KLHL1: variants seen among roughly 807,000 people sequenced by gnomAD.
KLHL1 encodes kelch like family member 1.
In KLHL1, 47 loss-of-function variants were observed where a neutral mutation model predicts 77.7. That is an observed-to-expected ratio of 0.60 (90% CI 0.48 to 0.77). The LOEUF (loss-of-function observed/expected upper bound fraction) is 0.77, where lower values mean the gene tolerates loss of function less well. KLHL1 is among the 30% of genes least tolerant of loss of function. KLHL1 has a pLI of 0.00. For missense variants in KLHL1, 925 were observed against 910.8 expected (o/e 1.02, Z -0.20); for synonymous variants, 360 against 325.2 (o/e 1.11, Z -1.15).
chr13:69,781,441 A>T (rs562766083), intron 7 of KLHL1, among the ~76,000 whole-genome samples: 1 of 152,186 alleles, frequency 6.6e-6, no homozygotes, highest in Admixed American at 6.5e-5. Context: ...AAGTAAGTTG[A>T]AAACCTTTGC....
intron 5 of KLHL1, among the ~76,000 whole-genome samples, chr13:69,845,090 A>T (rs997926845): frequency 6.6e-6 from 1 of 151,678 alleles, no homozygotes; most frequent in Non-Finnish European, 1.5e-5. Context: ...AGCTATTATG[A>T]TATAAACTGT....
chr13:69,712,223 C>G (rs1875908672), intron 9 of KLHL1, among the ~76,000 whole-genome samples: 1 of 150,952 alleles, frequency 6.6e-6, no homozygotes, highest in African/African-American at 2.4e-5. Flanking sequence ...TATAGATGAT[C>G]CTATGTAGGT....
chr13:69,868,637 T>G (rs1243546277), intron 5 of KLHL1, among the ~76,000 whole-genome samples: 1 of 152,170 alleles, frequency 6.6e-6, no homozygotes, highest in Non-Finnish European at 1.5e-5. Context: ...ATATCTGCGT[T>G]GTTATTTATT....
intron 3 of KLHL1, among the ~76,000 whole-genome samples, chr13:69,945,269 G>A (rs75808613): frequency 0.13 from 19,458 of 151,312 alleles, 1,941 homozygotes; most frequent in East Asian, 0.29. Context: ...CACTGCACCC[G>A]GCAGCTATAA....
chr13:69,817,697 TTACC>T (rs1878174742), intron 6 of KLHL1, among the ~76,000 whole-genome samples: 2 of 152,178 alleles, frequency 1.3e-5, no homozygotes. Context: ...CTCAGACTTA[TTACC>T]CCATGGATCT....
chr13:69,762,995 A>G (rs1593806503), intron 7 of KLHL1, among the ~76,000 whole-genome samples: 1 of 152,218 alleles, frequency 6.6e-6, no homozygotes, highest in East Asian at 1.9e-4. Flanking sequence ...CTACATCATA[A>G]GTTTAAGAGA....
chr13:69,708,244 GA>G (rs1161444196), intron 9 of KLHL1, among the ~76,000 whole-genome samples: 4 of 151,648 alleles, frequency 2.6e-5, no homozygotes, highest in South Asian at 2.1e-4. Flanking sequence ...AATTTGCTAG[GA>G]AAAAAAAGGA....
intron 1 of KLHL1, among the ~76,000 whole-genome samples, chr13:69,985,354 C>A (rs1379435916): frequency 1.3e-5 from 2 of 151,894 alleles, no homozygotes; most frequent in Non-Finnish European, 2.9e-5. Context: ...AGAAGACATA[C>A]AAATGGCCAA....
At chr13:70,034,227 C>T (rs143742227) in intron 1 of KLHL1, among the ~76,000 whole-genome samples, 1 of 152,268 alleles carries the variant, frequency 6.6e-6, no homozygotes, top group Non-Finnish European at 1.5e-5. Context: ...ATTGCTATCT[C>T]ATTGAACTTC....
intron 1 of KLHL1, among the ~76,000 whole-genome samples, chr13:70,104,432 A>G (rs920469565): frequency 1.3e-5 from 2 of 152,136 alleles, no homozygotes; most frequent in African/African-American, 4.8e-5. Context: ...GAATTCTGAG[A>G]TTGTGAGCAA....
At chr13:69,807,376 A>C (rs1268001941) in intron 6 of KLHL1, among the ~76,000 whole-genome samples, 1 of 151,980 alleles carries the variant, frequency 6.6e-6, no homozygotes, top group Non-Finnish European at 1.5e-5. Context: ...ACAGGGAAAT[A>C]AGGCCATCCT....
intron 6 of KLHL1, among the ~76,000 whole-genome samples, chr13:69,807,696 G>T (rs1044117556): frequency 6.6e-5 from 10 of 152,198 alleles, no homozygotes; most frequent in African/African-American, 2.4e-4. Context: ...GCTCTGGAAT[G>T]GGGAGAAGGA....
At chr13:69,889,795 T>C (rs1881360549) in intron 4 of KLHL1, among the ~76,000 whole-genome samples, 1 of 152,044 alleles carries the variant, frequency 6.6e-6, no homozygotes, top group Non-Finnish European at 1.5e-5. Context: ...CTTATCAGAA[T>C]TAGGTATGAA....
chr13:69,837,699 T>G (rs1445860807), intron 6 of KLHL1, among the ~76,000 whole-genome samples: 1 of 147,508 alleles, frequency 6.8e-6, no homozygotes, highest in Admixed American at 6.9e-5. Context: ...CACATATATA[T>G]ATAGATCTCA....
At chr13:70,039,969 G>A (rs1886336833) in intron 1 of KLHL1, among the ~76,000 whole-genome samples, 1 of 151,966 alleles carries the variant, frequency 6.6e-6, no homozygotes, top group Non-Finnish European at 1.5e-5. Flanking sequence ...GTTTTCCAGT[G>A]TAAATCTTTC....
At chr13:69,745,367 T>C (rs1052062262) in intron 7 of KLHL1, among the ~76,000 whole-genome samples, 8 of 152,012 alleles carry the variant, frequency 5.3e-5, no homozygotes, top group African/African-American at 1.4e-4. Context: ...TAAATATGGA[T>C]ATAAATTGTC....
At chr13:69,968,070 T>C (rs2482561) in intron 2 of KLHL1, among the ~76,000 whole-genome samples, 151,123 of 151,902 alleles carry the variant, frequency 0.99, 75,179 homozygotes, top group East Asian at 1. Flanking sequence ...ATTGTTGCAA[T>C]GTATTTCACT....
chr13:69,747,831 T>A (rs938020377), intron 7 of KLHL1, among the ~76,000 whole-genome samples: 1 of 151,980 alleles, frequency 6.6e-6, no homozygotes, highest in East Asian at 1.9e-4. Flanking sequence ...TAAATTTAAC[T>A]ATTCTTAGTG....
At chr13:69,779,571 A>ATATTTC (rs1461107110) in intron 7 of KLHL1, among the ~76,000 whole-genome samples, 1 of 150,628 alleles carries the variant, frequency 6.6e-6, no homozygotes, top group African/African-American at 2.4e-5. Context: ...AATGGTGTCT[A>ATATTTC]TATTTCTAAC....
Sources: allele counts gnomAD v4.1 joint callset (sites outside exome capture counted in the v4.1 genomes callset), GRCh38; gene constraint gnomAD v4.1.1; transcripts MANE v1.5; gene names NCBI Gene and HGNC (gene_info 2026-07-23, HGNC 2026-07-21).